GUCA1A: variants seen among roughly 807,000 people sequenced by gnomAD.
GUCA1A encodes the protein guanylyl cyclase-activating protein 1.
In GUCA1A, 14 loss-of-function variants were observed where a neutral mutation model predicts 18.5. That is an observed-to-expected ratio of 0.76 (90% CI 0.50 to 1.18). The LOEUF (loss-of-function observed/expected upper bound fraction) is 1.18. Ranked by LOEUF, GUCA1A falls within the 50% of genes most tolerant of loss-of-function variation. GUCA1A has a pLI of 0.00. For missense variants in GUCA1A, 264 were observed against 262.4 expected (o/e 1.01, Z -0.04); for synonymous variants, 97 against 100.2 (o/e 0.97, Z 0.19).
chr6:42,175,913 G>A (rs561131728), intron 1 of GUCA1A, among the ~76,000 whole-genome samples: 5 of 152,220 alleles, frequency 3.3e-5, no homozygotes, highest in South Asian at 4.1e-4. Flanking sequence ...AACCCCTGCC[G>A]TGATCTTCTG....
intron 2 of GUCA1A, 181 bp downstream of exon 2, chr6:42,178,610 A>C (rs1431582921): frequency 2.5e-6 from 2 of 811,618 alleles, no homozygotes; most frequent in East Asian, 4.9e-5. Flanking sequence ...CCTTGGCCTC[A>C]GTTTCCTCAT....
intron 1 of GUCA1A, among the ~76,000 whole-genome samples, chr6:42,174,203 T>C (rs1434707057): frequency 6.6e-6 from 1 of 152,236 alleles, no homozygotes; most frequent in Non-Finnish European, 1.5e-5. Context: ...ACTTCCAAGA[T>C]GGTCATTGAA....
chr6:42,173,876 C>G, intron 1 of GUCA1A, 62 bp downstream of exon 1: 1 of 1,253,060 alleles, frequency 8.0e-7, no homozygotes, highest in Non-Finnish European at 1.2e-6. Flanking sequence ...GAAGCCTGAC[C>G]AGCTGGGGGT....
Position 42,173,460 on chromosome 6 carries a change from T to C in GUCA1A, c.-154T>C, listed in dbSNP as rs767607092. On this transcript the variant is annotated 5_prime_UTR_variant, in exon 1 of 4. Transcript: ENST00000372958. ...CTCTCTCCCTCTCCACATTTCCCGGTACCATCTGATCCATCAGGCCCTTCT... is the reference window on the plus strand; with the variant it reads ...CTCTCTCCCTCTCCACATTTCCCGGCACCATCTGATCCATCAGGCCCTTCT... 7 of 687,444 alleles carry C rather than the reference T, an allele frequency of 1.0e-5. No individual in the cohort carries two copies. Among genetic ancestry groups the C allele is most frequent in the Non-Finnish European group, 1.6e-5 (6 of 377,950 alleles). The allele number at this position is 687,444 out of a possible 1,614,324, so 42.6% of individuals were successfully genotyped here. A position where few individuals can be genotyped will look rare whatever the true frequency, so the allele number is the denominator to read the frequency against.
At chr6:42,174,670 G>A (rs780835012) in intron 1 of GUCA1A, among the ~76,000 whole-genome samples, 2 of 152,224 alleles carry the variant, frequency 1.3e-5, no homozygotes, top group South Asian at 2.1e-4. Context: ...TCATGATGCC[G>A]TGGATGTTGG....
chr6:42,174,220 C>T (rs912321346), intron 1 of GUCA1A, among the ~76,000 whole-genome samples: 4 of 152,294 alleles, frequency 2.6e-5, no homozygotes, highest in South Asian at 4.1e-4. Flanking sequence ...TGAACACCTG[C>T]GATGTGCTGG....
At position 42,178,846 on chromosome 6, in the gene GUCA1A, A is replaced by C. The variant is rs764696192; in HGVS notation, c.396A>C (p.Ala132=). Residue 132 remains alanine, a synonymous_variant, in exon 3 of 4, where the codon GCA becomes GCC. Coordinates refer to ENST00000372958, the MANE Select transcript of GUCA1A (RefSeq NM_001384910.1). ...INPCSDTTMT[A]EEFTDTVFSK... ...CCTGCAGCGATACCACCATGACTGC[A>C]GAGGAGTTCACCGATACAGTGTTCT... is the stretch of plus-strand genomic sequence containing the variant. The C allele has an allele frequency of 3.6e-5, 58 of 1,613,970 alleles. No homozygotes were observed. Among genetic ancestry groups the C allele is most frequent in the Non-Finnish European group, 1.4e-5 (17 of 1,179,940 alleles).
chr6:42,177,750 G>C (rs1461518180), intron 1 of GUCA1A, among the ~76,000 whole-genome samples: 1 of 152,204 alleles, frequency 6.6e-6, no homozygotes, highest in Non-Finnish European at 1.5e-5. Flanking sequence ...CCTGGGAGGT[G>C]GGTTGGGACT....
intron 1 of GUCA1A, among the ~76,000 whole-genome samples, chr6:42,175,789 A>C (rs532319269): frequency 6.6e-6 from 1 of 151,744 alleles, no homozygotes; most frequent in African/African-American, 2.4e-5. Context: ...CCCTTATTCC[A>C]CACACACCCC....
Position 42,178,859 on chromosome 6 carries a change from GA to G in GUCA1A, c.410del (p.Asp137ValfsTer21). 6.2e-7 allele frequency: 1 copy of G among 1,613,864 alleles called. No homozygotes were observed. Among genetic ancestry groups the G allele is most frequent in the South Asian group, 1.1e-5 (1 of 91,064 alleles). ...DTTMTAEEFT[D>X]TVFSKIDVNG... is the part of the protein sequence containing the mutation. ...CACCATGACTGCAGAGGAGTTCACCGATACAGTGTTCTCCAAGATTGACGTC... is the reference window on the plus strand; with the variant it reads ...CACCATGACTGCAGAGGAGTTCACCGTACAGTGTTCTCCAAGATTGACGTC... On this transcript the variant is annotated frameshift_variant, in exon 3 of 4. Transcript: ENST00000372958. LOFTEE classifies it high-confidence loss of function.
chr6:42,176,585 C>G (rs1205356608), intron 1 of GUCA1A, among the ~76,000 whole-genome samples: 1 of 152,136 alleles, frequency 6.6e-6, no homozygotes, highest in African/African-American at 2.4e-5. Flanking sequence ...AGGTGCCCAC[C>G]ACCACGCCTG....
At chr6:42,178,917 TC>T in intron 3 of GUCA1A, 22 bp downstream of exon 3, 2 of 1,555,596 alleles carry the variant, frequency 1.3e-6, no homozygotes, top group Non-Finnish European at 1.8e-6. Flanking sequence ...GAGGAGGGGC[TC>T]CCCAGCGGAG....
chr6:42,178,930 G>A (rs1768037714), intron 3 of GUCA1A, 35 bp downstream of exon 3: 1 of 1,478,764 alleles, frequency 6.8e-7, no homozygotes. Context: ...CCAGCGGAGG[G>A]GTCACCATGG....
At chr6:42,177,938 C>T (rs759008602) in intron 1 of GUCA1A, among the ~76,000 whole-genome samples, 18 of 152,236 alleles carry the variant, frequency 1.2e-4, no homozygotes, top group Non-Finnish European at 2.4e-4. Flanking sequence ...TGGAAAGGCT[C>T]ATGCTTGACA....
chr6:42,179,057 T>G (rs1768041926), intron 3 of GUCA1A, among the ~76,000 whole-genome samples, 162 bp downstream of exon 3: 1 of 151,902 alleles, frequency 6.6e-6, no homozygotes, highest in Non-Finnish European at 1.5e-5. Context: ...GCCACAAAGT[T>G]GGCTTTTAGG....
At position 42,179,002 on chromosome 6, in the gene GUCA1A, C is replaced by T. The variant is rs950791678; in HGVS notation, c.445+107C>T. ...GAGGGTGAGGAAGGGAGGAGAGGCC[C>T]AAAGGCCCCCGTGCTGGTCACTTCC... is the stretch of plus-strand genomic sequence containing the variant. On this transcript the variant is annotated intron_variant, in intron 3 of 3. Transcript: ENST00000372958. 6 of 986,494 alleles carry T rather than the reference C, an allele frequency of 6.1e-6. No individual in the cohort carries two copies. In the South Asian group the frequency reaches 7.7e-5, roughly 13 times the overall value. The allele number at this position is 986,494 out of a possible 1,614,324, so 61.1% of individuals were successfully genotyped here.
intron 1 of GUCA1A, among the ~76,000 whole-genome samples, chr6:42,174,039 G>T (rs1767886891): frequency 6.6e-6 from 1 of 152,322 alleles, no homozygotes; most frequent in Middle Eastern, 3.4e-3. Flanking sequence ...ATCAGGCACT[G>T]GGGGGTTAGA....
Position 42,173,782 on chromosome 6 carries a change from G to A in GUCA1A, c.169G>A (p.Glu57Lys). The A allele has an allele frequency of 6.2e-7, 1 of 1,614,088 alleles. No homozygotes were observed. The highest frequency in any genetic ancestry group is 8.5e-7 in the Non-Finnish European group (1 of 1,179,968). Residue 57 changes from glutamate to lysine, a missense_variant, in exon 1 of 4, where the codon GAA becomes AAA. By Grantham distance (56) the Glu-to-Lys change is moderately conservative. Transcript: ENST00000372958. ...NLSPSASQYV[E>K]QMFETFDFNK... ...GAGCCCGTCGGCCAGCCAGTACGTG[G>A]AACAGATGTTTGAGACTTTTGACTT...
At chr6:42,178,634 C>G in intron 2 of GUCA1A, 168 bp from the exon 3 acceptor site, 1 of 814,400 alleles carries the variant, frequency 1.2e-6, no homozygotes, top group South Asian at 1.3e-5. Flanking sequence ...TACCAAAAGA[C>G]GATAGAAGTT....
Sources: gnomAD v4.1 joint callset for allele counts (sites outside exome capture counted in the v4.1 genomes callset) on GRCh38, gnomAD v4.1.1 for gene constraint, MANE v1.5 for transcripts, NCBI Gene and HGNC (gene_info 2026-07-23, HGNC 2026-07-21) for gene names.